The following RBFOX1 variants were observed in gnomAD, a reference collection of about 807,000 sequenced individuals.
The protein encoded by RBFOX1 is RNA binding fox-1 homolog 1, also known as RNA binding protein fox-1 homolog 1.
A neutral mutation model predicts 57.7 loss-of-function variants in RBFOX1; 8 were observed. The observed-to-expected ratio is 0.14, with a 90% confidence interval of 0.08 to 0.25. The LOEUF (loss-of-function observed/expected upper bound fraction) is 0.25, where lower values mean the gene tolerates loss of function less well. Among genes scored for constraint, RBFOX1 ranks in the 10% least tolerant of loss-of-function variants. RBFOX1 has a pLI of 1.00. For synonymous variants in RBFOX1, 326 were observed against 222.4 expected (o/e 1.47, Z -4.15); for missense variants, 611 against 548.5 (o/e 1.11, Z -1.14).
chr16:7,052,779 C>G (rs894183166), intron 4 of RBFOX1, among the ~76,000 whole-genome samples: 1 of 152,102 alleles, frequency 6.6e-6, no homozygotes, highest in African/African-American at 2.4e-5. Context: ...ATGGGGATGG[C>G]ATTTTAAGAA....
intron 9 of RBFOX1, among the ~76,000 whole-genome samples, chr16:7,601,783 C>G (rs1249438312): frequency 6.6e-6 from 1 of 152,156 alleles, no homozygotes; most frequent in African/African-American, 2.4e-5. Context: ...GTGAGGCATT[C>G]TCAACTTAAA....
At chr16:7,470,490 T>A (rs1227584598) in intron 4 of RBFOX1, among the ~76,000 whole-genome samples, 1 of 151,916 alleles carries the variant, frequency 6.6e-6, no homozygotes, top group Non-Finnish European at 1.5e-5. Flanking sequence ...GATAGTTGAA[T>A]GGATGGAAGA....
intron 4 of RBFOX1, among the ~76,000 whole-genome samples, chr16:5,915,589 T>C (rs1251497584): frequency 1.3e-5 from 2 of 152,062 alleles, no homozygotes; most frequent in Admixed American, 6.6e-5. Flanking sequence ...CCCAGCACTT[T>C]GGGAGGTCAA....
chr16:5,259,018 G>T (rs1036331147), intron 1 of RBFOX1, among the ~76,000 whole-genome samples: 27 of 152,084 alleles, frequency 1.8e-4, no homozygotes, highest in Admixed American at 3.3e-4. Flanking sequence ...GGGGAGGAGG[G>T]GGTGACCTTC....
At chr16:6,169,980 G>A (rs564206781) in intron 1 of RBFOX1, among the ~76,000 whole-genome samples, 8 of 152,192 alleles carry the variant, frequency 5.3e-5, no homozygotes, top group African/African-American at 1.9e-4. Flanking sequence ...TGTTGGCCAG[G>A]CTGGTCTCAA....
At chr16:5,778,307 T>G (rs914758920) in intron 3 of RBFOX1, among the ~76,000 whole-genome samples, 7 of 152,132 alleles carry the variant, frequency 4.6e-5, no homozygotes, top group Admixed American at 2.0e-4. Flanking sequence ...AGTGTGAGTT[T>G]CCATGATCTC....
chr16:6,313,052 C>T (rs1005955583), intron 1 of RBFOX1, among the ~76,000 whole-genome samples: 1 of 152,172 alleles, frequency 6.6e-6, no homozygotes, highest in Non-Finnish European at 1.5e-5. Context: ...AGCAGCAATG[C>T]ACTGGAGTTA....
intron 2 of RBFOX1, among the ~76,000 whole-genome samples, chr16:5,514,137 C>T (rs1331712825): frequency 6.6e-6 from 1 of 152,112 alleles, no homozygotes; most frequent in Non-Finnish European, 1.5e-5. Context: ...CTTTATGGTT[C>T]CAAGCAGCAA....
At chr16:6,754,787 C>A (rs572202188) in intron 3 of RBFOX1, among the ~76,000 whole-genome samples, 1 of 151,912 alleles carries the variant, frequency 6.6e-6, no homozygotes, top group Non-Finnish European at 1.5e-5. Context: ...ATGTGCCATG[C>A]TGGTGTGCTC....
At chr16:5,776,113 A>G (rs572704311) in intron 3 of RBFOX1, among the ~76,000 whole-genome samples, 71 of 152,358 alleles carry the variant, frequency 4.7e-4, no homozygotes, top group Admixed American at 9.1e-4. Flanking sequence ...GATAATGGAT[A>G]ATTAAGTGAG....
intron 1 of RBFOX1, among the ~76,000 whole-genome samples, chr16:6,128,597 C>A (rs1000937216): frequency 2.6e-5 from 4 of 152,142 alleles, no homozygotes; most frequent in Admixed American, 2.6e-4. Context: ...GAGTAGAGTT[C>A]TGGGATTCTG....
intron 2 of RBFOX1, among the ~76,000 whole-genome samples, chr16:6,611,734 G>A (rs1055117607): frequency 2.6e-5 from 4 of 152,124 alleles, no homozygotes; most frequent in African/African-American, 9.7e-5. Flanking sequence ...GAGGGCGTGA[G>A]TGGAAACTCT....
At chr16:7,398,367 C>T (rs914692059) in intron 4 of RBFOX1, among the ~76,000 whole-genome samples, 3 of 152,188 alleles carry the variant, frequency 2.0e-5, no homozygotes, top group Non-Finnish European at 4.4e-5. Context: ...CTCAGTGTTA[C>T]AGAAAATTTG....
Position 7,309,782 on chromosome 16 carries a change from G to C in RBFOX1, c.28-208365G>C, listed in dbSNP as rs139280481. Among the ~76,000 whole-genome samples the C allele has an allele frequency of 9.7e-4, 147 of 152,298 alleles. 1 individual carries two copies. The highest frequency in any genetic ancestry group is 2.8e-3 in the African/African-American group (118 of 41,562). The stretch of plus-strand genomic sequence containing the variant: ...AATTGCAGCATTGTAAACAAAATCA[G>C]GTTGCTGACTCTGTGCCTAAGGGGG... On this transcript the variant is annotated intron_variant, in intron 4 of 15. Coordinates refer to ENST00000550418, the MANE Select transcript of RBFOX1 (RefSeq NM_018723.4).
At chr16:7,213,409 G>C (rs930929693) in intron 4 of RBFOX1, among the ~76,000 whole-genome samples, 18 of 152,202 alleles carry the variant, frequency 1.2e-4, no homozygotes, top group Non-Finnish European at 4.4e-5. Flanking sequence ...GGCAGCCAGA[G>C]TTGAGAACCA....
chr16:7,238,003 CAAAAA>C (rs1567840454), intron 4 of RBFOX1, among the ~76,000 whole-genome samples: 1 of 151,890 alleles, frequency 6.6e-6, no homozygotes. Context: ...GACCCTGTCT[CAAAAA>C]AAGAAAAGAG....
At chr16:6,734,948 T>A (rs2154177181) in intron 3 of RBFOX1, among the ~76,000 whole-genome samples, 1 of 152,280 alleles carries the variant, frequency 6.6e-6, no homozygotes, top group East Asian at 1.9e-4. Flanking sequence ...AAGACTGGCA[T>A]GGGCAACACA....
intron 4 of RBFOX1, among the ~76,000 whole-genome samples, chr16:7,444,672 T>G (rs547537751): frequency 6.6e-6 from 1 of 152,108 alleles, no homozygotes; most frequent in Non-Finnish European, 1.5e-5. Flanking sequence ...AGCTGTACCA[T>G]AGGTGCACAC....
At chr16:5,487,354 G>A (rs371772226) in intron 2 of RBFOX1, among the ~76,000 whole-genome samples, 1 of 152,188 alleles carries the variant, frequency 6.6e-6, no homozygotes, top group South Asian at 2.1e-4. Flanking sequence ...ATGAATGGGG[G>A]AATGATGAGA....
Sources: allele counts gnomAD v4.1 joint callset (sites outside exome capture counted in the v4.1 genomes callset), GRCh38; gene constraint gnomAD v4.1.1; transcripts MANE v1.5; gene names NCBI Gene and HGNC (gene_info 2026-07-23, HGNC 2026-07-21).